OLAH: variants seen among roughly 807,000 people sequenced by gnomAD.
OLAH encodes oleoyl-ACP hydrolase, also known as S-acyl fatty acid synthase thioesterase, medium chain.
Under a neutral mutation model 27.8 loss-of-function variants are expected in OLAH, and 33 were observed. The ratio of observed to expected loss-of-function variants is 1.19; its 90% confidence interval spans 0.90 to 1.59. The LOEUF (loss-of-function observed/expected upper bound fraction) is 1.59. Ranked by LOEUF, OLAH falls within the 40% of genes most tolerant of loss-of-function variation. The pLI, the probability that OLAH is intolerant of heterozygous loss-of-function variation, is 0.00. For synonymous variants in OLAH, 120 were observed against 102.9 expected, an observed-to-expected ratio of 1.17 and a Z score of -1.01; for missense variants, 359 against 310.8, an observed-to-expected ratio of 1.16 and a Z score of -1.17.
chr10:15,049,762 G>C lies in OLAH; in HGVS notation c.160G>C (p.Glu54Gln), dbSNP rs769333505. Reference protein sequence around the residue: ...KWGQDTHDLLEVHSLRLPGRE... With the variant: ...KWGQDTHDLLQVHSLRLPGRE... ...GGGCCAAGATACTCATGATTTGCTG[G>C]AAGGTATGTTAATTTTTAACATCAT... The change falls in exon 3 of 8, where the codon GAA (glutamate) becomes CAA (glutamine). Residue 54 changes from glutamate (E) to glutamine (Q), a missense_variant. Physicochemically the swap from Glu to Gln is conservative, Grantham distance 29. Transcript: ENST00000378228. The C allele has an allele frequency of 2.5e-6, 4 of 1,602,494 alleles. No homozygotes were observed. In the African/African-American group the frequency reaches 5.4e-5, roughly 22 times the overall value.
At chr10:15,071,616 A>T in intron 6 of OLAH, 179 bp from the exon 7 acceptor site, 1 of 984,778 alleles carries the variant, frequency 1.0e-6, no homozygotes, top group Non-Finnish European at 1.2e-6. Flanking sequence ...TAGTCTCCAC[A>T]CTGAGTCTCA....
chr10:15,062,830 A>G lies in OLAH; in HGVS notation c.302+968A>G, dbSNP rs374569969. 3.5e-3 allele frequency among the ~76,000 whole-genome samples: 520 copies of G among 150,704 alleles called. 3 individuals are homozygous for G. Among genetic ancestry groups the G allele is most frequent in the Non-Finnish European group, 4.4e-3 (300 of 67,778 alleles). On this transcript the variant is annotated intron_variant, in intron 4 of 7. Coordinates refer to ENST00000378228, the MANE Select transcript of OLAH (RefSeq NM_001039702.3). ...CTCAGCTCATTGCAACCTACACCTC[A>G]TGGGTTCAAGCAATCCTCCCACCTT...
intron 1 of OLAH, among the ~76,000 whole-genome samples, chr10:15,033,172 C>G (rs1280967648): frequency 6.6e-6 from 1 of 152,044 alleles, no homozygotes; most frequent in Non-Finnish European, 1.5e-5. Flanking sequence ...CCGCTGCAGC[C>G]TACCAGTGAA....
chr10:15,042,580 ATTAAG>A (rs376033380), upstream of OLAH, among the ~76,000 whole-genome samples: 93 of 152,316 alleles, frequency 6.1e-4, 1 homozygote, highest in East Asian at 0.014. Flanking sequence ...AGAATGTACA[ATTAAG>A]TTATTATTGA....
chr10:15,043,077 G>A (rs1395292811), upstream of OLAH, among the ~76,000 whole-genome samples: 1 of 151,818 alleles, frequency 6.6e-6, no homozygotes, highest in African/African-American at 2.4e-5. Context: ...AGCCAGGGTG[G>A]TCTCAGTCTC....
intron 3 of OLAH, among the ~76,000 whole-genome samples, chr10:15,053,333 G>C (rs986983609): frequency 1.3e-5 from 2 of 152,156 alleles, no homozygotes; most frequent in Non-Finnish European, 2.9e-5. Context: ...ACTGAAAGTT[G>C]GCAATCAGCA....
chr10:15,059,568 G>A (rs1223425328), intron 3 of OLAH, among the ~76,000 whole-genome samples: 1 of 152,146 alleles, frequency 6.6e-6, no homozygotes, highest in Non-Finnish European at 1.5e-5. Flanking sequence ...CACTTTGGGA[G>A]GCCAGGGTGG....
intron 3 of OLAH, among the ~76,000 whole-genome samples, chr10:15,051,022 G>A (rs1453396715): frequency 2.0e-5 from 3 of 150,150 alleles, no homozygotes; most frequent in Non-Finnish European, 3.0e-5. Context: ...TTTATTTAAT[G>A]TTATGTGCAA....
intron 2 of OLAH, among the ~76,000 whole-genome samples, chr10:15,047,884 T>C (rs1321397427): frequency 6.6e-6 from 1 of 152,192 alleles, no homozygotes; most frequent in Non-Finnish European, 1.5e-5. Context: ...AATTATTTTG[T>C]TATGAAGAAC....
intron 3 of OLAH, among the ~76,000 whole-genome samples, chr10:15,056,414 T>TAC (rs2131358397): frequency 6.6e-6 from 1 of 152,310 alleles, no homozygotes; most frequent in East Asian, 1.9e-4. Flanking sequence ...TAATTTATAC[T>TAC]ACCAAGCAGT....
chr10:15,067,459 G>A (rs939456911), intron 6 of OLAH, among the ~76,000 whole-genome samples: 66 of 152,076 alleles, frequency 4.3e-4, no homozygotes, highest in African/African-American at 1.5e-3. Context: ...AACAAACCAT[G>A]AGCTATTTTT....
At chr10:15,070,438 C>T (rs1384735985) in intron 6 of OLAH, among the ~76,000 whole-genome samples, 5 of 152,184 alleles carry the variant, frequency 3.3e-5, no homozygotes, top group Non-Finnish European at 5.9e-5. Context: ...TGTCCCAATA[C>T]TCCACTTTGT....
intron 1 of OLAH, among the ~76,000 whole-genome samples, chr10:15,033,123 T>G (rs7915871): frequency 6.6e-6 from 1 of 151,522 alleles, no homozygotes; most frequent in Non-Finnish European, 1.5e-5. Flanking sequence ...GCGATCCACC[T>G]GCCTCGGCCT....
intron 3 of OLAH, chr10:15,057,121 C>A: frequency 8.8e-7 from 1 of 1,135,742 alleles, no homozygotes; most frequent in Non-Finnish European, 1.1e-6. Flanking sequence ...CTTTTTATGG[C>A]TTGCTTTAAA....
chr10:15,073,108 G>T lies in OLAH; in HGVS notation c.677G>T (p.Gly226Val), dbSNP rs139895854. Reference protein sequence around the residue: ...DMEAWKDVTSGNAKIYQLPGG... With the variant: ...DMEAWKDVTSVNAKIYQLPGG... ...TCAGCCTGGAAAGATGTAACCAGTG[G>T]AAATGCTAAAATTTACCAGCTTCCA... is the stretch of plus-strand genomic sequence containing the variant. The change falls in exon 8 of 8, where the codon GGA becomes GTA. Residue 226 changes from glycine to valine, a missense_variant. Transcript: ENST00000378228. The T allele has an allele frequency of 3.1e-6, 5 of 1,613,146 alleles. No homozygotes were observed. The highest frequency in any genetic ancestry group is 4.2e-6 in the Non-Finnish European group (5 of 1,179,728).
intron 3 of OLAH, among the ~76,000 whole-genome samples, chr10:15,056,299 A>G (rs1172239624): frequency 1.3e-5 from 2 of 152,000 alleles, no homozygotes; most frequent in East Asian, 3.9e-4. Flanking sequence ...TCTTATATAC[A>G]TGTACGAGAG....
intron 1 of OLAH, among the ~76,000 whole-genome samples, chr10:15,046,336 A>G (rs1844017489): frequency 6.6e-6 from 1 of 151,616 alleles, no homozygotes. Flanking sequence ...AAATAAATAA[A>G]TAAATAAATA....
intron 4 of OLAH, among the ~76,000 whole-genome samples, chr10:15,064,053 G>A (rs1382704526): frequency 6.6e-6 from 1 of 152,142 alleles, no homozygotes; most frequent in Non-Finnish European, 1.5e-5. Flanking sequence ...CATCCATTAG[G>A]ATCTCAGAAA....
intron 4 of OLAH, chr10:15,062,213 A>G (rs910421990): frequency 5.8e-6 from 1 of 171,456 alleles, no homozygotes; most frequent in African/African-American, 2.4e-5. Context: ...GCTATCTCTT[A>G]TCAGTTGTAT....
Sources: gnomAD v4.1 joint callset for allele counts (sites outside exome capture counted in the v4.1 genomes callset) on GRCh38, gnomAD v4.1.1 for gene constraint, MANE v1.5 for transcripts, NCBI Gene and HGNC (gene_info 2026-07-23, HGNC 2026-07-21) for gene names.